Variants in SLC26A11 observed in about 807,000 individuals in gnomAD.
SLC26A11 encodes the protein solute carrier family 26 member 11.
A neutral mutation model predicts 62.2 loss-of-function variants in SLC26A11; 58 were observed. The observed-to-expected ratio is 0.93, with a 90% CI of 0.76 to 1.16. The LOEUF (loss-of-function observed/expected upper bound fraction) is 1.16. Among genes scored for constraint, SLC26A11 ranks in the 50% most tolerant of loss-of-function variants. SLC26A11 has a pLI of 0.00. For missense variants in SLC26A11, 790 were observed against 794.3 expected (o/e 0.99, Z 0.06); for synonymous variants, 411 against 368.9 (o/e 1.11, Z -1.31).
At chr17:80,245,514 G>T in intron 11 of SLC26A11, 1 of 483,152 alleles carries the variant, frequency 2.1e-6, no homozygotes, top group Non-Finnish European at 3.8e-6. Flanking sequence ...TTACTCTGGA[G>T]GCGGAAGCAG....
chr17:80,241,258 A>G (rs555698501), intron 9 of SLC26A11, among the ~76,000 whole-genome samples: 3 of 152,272 alleles, frequency 2.0e-5, no homozygotes, highest in African/African-American at 7.2e-5. Flanking sequence ...TACTGCTTAC[A>G]TGTTTTCTTG....
chr17:80,246,418 C>T lies in SLC26A11; in HGVS notation c.1154-91C>T. On this transcript the variant is annotated intron_variant, in intron 12 of 17. Coordinates refer to ENST00000361193, the MANE Select transcript of SLC26A11 (RefSeq NM_001166347.2). This position sits in a 1 kb window ranked among gnomAD's most constrained non-coding sequence, Gnocchi z 4.4. ...TCGTCGCCCTACCCCCACCCCTGTC[C>T]CCAGTGGGCTCTGCTGAACAAGAGG... 2 of 1,554,634 alleles carry T rather than the reference C, an allele frequency of 1.3e-6. No individual in the cohort carries two copies. The highest frequency in any genetic ancestry group is 1.7e-6 in the Non-Finnish European group (2 of 1,149,714).
rs1315064950 is a variant in SLC26A11 at position 80,246,680 on chromosome 17, G to A, written c.1294+31G>A. On this transcript the variant is annotated intron_variant, in intron 13 of 17. Transcript: ENST00000361193. This position sits in a 1 kb window ranked among gnomAD's most constrained non-coding sequence, Gnocchi z 4.4. ...TCCTTGTCCTACAGGGGAGAGCGCT[G>A]TGATGCGGTGTCTGAACGCGGAGGG... The A allele has an allele frequency of 6.2e-7, 1 of 1,606,580 alleles. No homozygotes were observed. Among genetic ancestry groups the A allele is most frequent in the Non-Finnish European group, 8.5e-7 (1 of 1,176,536 alleles).
Position 80,223,513 on chromosome 17 carries a change from A to T in SLC26A11, c.513+176A>T, listed in dbSNP as rs960997868. ...GTGCTCTCATGGGTCCCCTGTTAAT[A>T]AAATGACCCTCCTGGGAGGGATGTC... On this transcript the variant is annotated intron_variant, in intron 5 of 17. Coordinates refer to ENST00000361193, the MANE Select transcript of SLC26A11 (RefSeq NM_001166347.2). This position sits in a 1 kb window ranked among gnomAD's most constrained non-coding sequence, Gnocchi z 4.6. Among the ~76,000 whole-genome samples the T allele has an allele frequency of 6.6e-6, 1 of 152,176 alleles. No individual in the cohort carries two copies. Among genetic ancestry groups the T allele is most frequent in the Non-Finnish European group, 1.5e-5 (1 of 68,036 alleles).
At position 80,224,330 on chromosome 17, in the gene SLC26A11, AGTGAGAGT is replaced by A. The variant is rs1187742965; in HGVS notation, c.513+1003_513+1010del. Among the ~76,000 whole-genome samples, 325 of 142,602 alleles carry A rather than the reference AGTGAGAGT, an allele frequency of 2.3e-3. 1 individual carries two copies. The highest frequency in any genetic ancestry group is 7.5e-3 in the East Asian group (36 of 4,822). 93.6% of individuals were successfully genotyped at this position (142,602 alleles called of 152,430 possible). Reference sequence around the variant, plus strand: ...GTGTGAGAGAGTGTGAGTGTGTATGAGTGAGAGTGTGAGAGTGGGTGTGGGTGTGAGGG... The same window carrying A: ...GTGTGAGAGAGTGTGAGTGTGTATGAGTGAGAGTGGGTGTGGGTGTGAGGG... On this transcript the variant is annotated intron_variant, in intron 5 of 17. Coordinates refer to ENST00000361193, the MANE Select transcript of SLC26A11 (RefSeq NM_001166347.2).
chr17:80,251,915 C>T (rs1448652565), intron 17 of SLC26A11, among the ~76,000 whole-genome samples: 1 of 152,128 alleles, frequency 6.6e-6, no homozygotes, highest in African/African-American at 2.4e-5. Flanking sequence ...CCATTTCATA[C>T]CTGGTGCTCT....
chr17:80,251,275 C>A lies in SLC26A11; in HGVS notation c.1657-54C>A, dbSNP rs2043148065. 12 of 1,613,550 alleles carry A rather than the reference C, an allele frequency of 7.4e-6. No homozygotes were observed. The South Asian group carries it at 1.1e-4, about 15-fold the overall frequency. ...ATGGCAGGTCTACCAGGCTGCCGAC[C>A]CGTGTGCTACAGAGGAACATCCCTG... On this transcript the variant is annotated intron_variant, in intron 16 of 17. Transcript: ENST00000361193.
chr17:80,225,468 G>T, intron 5 of SLC26A11: 1 of 238,058 alleles, frequency 4.2e-6, no homozygotes, highest in Non-Finnish European at 8.4e-6. Context: ...CTGCTGAGTG[G>T]CCTGGAGCCA....
chr17:80,236,825 G>A (rs561569001), intron 7 of SLC26A11, 103 bp from the exon 8 acceptor site: 25 of 1,261,500 alleles, frequency 2.0e-5, no homozygotes, highest in Middle Eastern at 5.4e-4. Context: ...CGGTGGGGGC[G>A]TCTCCTGCCT....
chr17:80,243,124 C>T lies in SLC26A11; in HGVS notation c.1036+1303C>T, dbSNP rs116856567. Among the ~76,000 whole-genome samples the T allele has an allele frequency of 6.4e-3, 969 of 152,338 alleles. 7 individuals are homozygous for T. Among genetic ancestry groups the T allele is most frequent in the Non-Finnish European group, 0.01 (687 of 68,022 alleles). ...ATAACCCAGGAAGCACCATGGGCTTCTTCCCAAGGGGTGTCCACCCTGACA... is the reference window on the plus strand; with the variant it reads ...ATAACCCAGGAAGCACCATGGGCTTTTTCCCAAGGGGTGTCCACCCTGACA... On this transcript the variant is annotated intron_variant, in intron 10 of 17. Transcript: ENST00000361193.
intron 7 of SLC26A11, among the ~76,000 whole-genome samples, chr17:80,232,944 G>A (rs1003290968): frequency 6.6e-6 from 1 of 152,060 alleles, no homozygotes; most frequent in Non-Finnish European, 1.5e-5. Context: ...TCAACTTCAT[G>A]TGATATAAGA....
At chr17:80,241,415 A>T (rs1157684210) in intron 9 of SLC26A11, among the ~76,000 whole-genome samples, 1 of 152,026 alleles carries the variant, frequency 6.6e-6, no homozygotes, top group Non-Finnish European at 1.5e-5. Flanking sequence ...ACACACCACC[A>T]TGCTTGGCTA....
intron 16 of SLC26A11, among the ~76,000 whole-genome samples, chr17:80,249,564 C>T (rs531843879): frequency 3.9e-5 from 6 of 152,224 alleles, no homozygotes; most frequent in African/African-American, 1.4e-4. Flanking sequence ...ACACAGTGAA[C>T]GAGGGTCAGT....
At chr17:80,237,202 G>A (rs2042720194) in intron 8 of SLC26A11, 99 bp downstream of exon 8, 3 of 1,404,350 alleles carry the variant, frequency 2.1e-6, no homozygotes, top group Non-Finnish European at 2.9e-6. Flanking sequence ...GGGGGTCTGA[G>A]GTCAGTTAGG....
chr17:80,245,266 C>A lies in SLC26A11; in HGVS notation c.1097+10C>A, dbSNP rs7406843. On this transcript the variant is annotated intron_variant, in intron 11 of 17. Transcript: ENST00000361193. The stretch of plus-strand genomic sequence containing the variant: ...CAGGCAGCTTTGGACGGTGAGTGAC[C>A]TGTCCGCCTCTTCTGTTTGCCCACG... 1,008,408 of 1,612,186 alleles carry A rather than the reference C, an allele frequency of 0.63. 325,221 individuals carry two copies. Among genetic ancestry groups the A allele is most frequent in the East Asian group, 0.94 (42,238 of 44,816 alleles).
chr17:80,246,170 C>T lies in SLC26A11; in HGVS notation c.1114C>T (p.Gln372Ter), dbSNP rs2042988553. 2 of 1,613,178 alleles carry T rather than the reference C, an allele frequency of 1.2e-6. No individual in the cohort carries two copies. Among genetic ancestry groups the T allele is most frequent in the East Asian group, 4.5e-5 (2 of 44,864 alleles). Reference protein sequence around the residue: ...GSFGRTAVNAQSGVCTPAGGL... With the variant: ...GSFGRTAVNA The stretch of plus-strand genomic sequence containing the variant: ...GCCTTCCAGGACAGCCGTGAACGCT[C>T]AGTCGGGGGTGTGCACCCCGGCGGG... The change falls in exon 12 of 18, where the codon CAG becomes TAG. Residue 372 changes from glutamine (Q) to a stop codon, truncating the protein, a stop_gained. Transcript: ENST00000361193. LOFTEE classifies it high-confidence loss of function. This position sits in a 1 kb window ranked among gnomAD's most constrained non-coding sequence, Gnocchi z 4.4.
Position 80,228,008 on chromosome 17 carries a change from G to C in SLC26A11, c.736+48G>C. On this transcript the variant is annotated intron_variant, in intron 7 of 17. Transcript: ENST00000361193. This position sits in a 1 kb window ranked among gnomAD's most constrained non-coding sequence, Gnocchi z 4.1. ...CTTATGCAACCTTGGCTGCAGGTTG[G>C]GGTCACTTGGGGAGTCCTAGTCCCA... is the stretch of plus-strand genomic sequence containing the variant. 1 of 1,555,790 alleles carries C rather than the reference G, an allele frequency of 6.4e-7. No individual in the cohort carries two copies. The highest frequency in any genetic ancestry group is 8.7e-7 in the Non-Finnish European group (1 of 1,150,586).
chr17:80,227,691 G>A (rs2042448105), intron 6 of SLC26A11, 127 bp from the exon 7 acceptor site: 1 of 1,345,238 alleles, frequency 7.4e-7, no homozygotes, highest in Non-Finnish European at 1.0e-6. Flanking sequence ...TCTGGGACCA[G>A]CAGCCTGGGC....
rs951582185 is a variant in SLC26A11, at chr17:80,228,345, C to A, written c.736+385C>A. ...ACGGGGTTTCACCATGTTGACCATA[C>A]TGGTCTCAAACTCCTGACCTCGAGT... On this transcript the variant is annotated intron_variant, in intron 7 of 17. Coordinates refer to ENST00000361193, the MANE Select transcript of SLC26A11 (RefSeq NM_001166347.2). This position sits in a 1 kb window ranked among gnomAD's most constrained non-coding sequence, Gnocchi z 4.1. Among the ~76,000 whole-genome samples the A allele has an allele frequency of 6.6e-6, 1 of 152,170 alleles. No individual in the cohort carries two copies. Among genetic ancestry groups the A allele is most frequent in the Non-Finnish European group, 1.5e-5 (1 of 68,030 alleles).
Sources: gnomAD v4.1 joint callset for allele counts (sites outside exome capture counted in the v4.1 genomes callset) on GRCh38, gnomAD v4.1.1 for gene constraint, Gnocchi (gnomAD v3.1) non-coding constraint, MANE v1.5 for transcripts, NCBI Gene and HGNC (gene_info 2026-07-23, HGNC 2026-07-21) for gene names.